Variants in SLC39A12 observed in about 807,000 individuals in gnomAD.
SLC39A12 encodes zinc transporter ZIP12.
In SLC39A12, 63 loss-of-function variants were observed where a neutral mutation model predicts 71.1. That is an observed-to-expected ratio of 0.89 (90% CI 0.72 to 1.09). The LOEUF (loss-of-function observed/expected upper bound fraction) is 1.09. SLC39A12 is among the 50% of genes least tolerant of loss of function. The probability of loss-of-function intolerance (pLI) is 0.00; values close to 1 mark genes in which losing one functional copy is unlikely to be tolerated. For missense variants in SLC39A12, 892 were observed against 812.6 expected (o/e 1.10, Z -1.19); for synonymous variants, 351 against 301.3 (o/e 1.16, Z -1.71).
At chr10:17,973,172 C>G (rs548920465) in intron 4 of SLC39A12, among the ~76,000 whole-genome samples, 1 of 152,124 alleles carries the variant, frequency 6.6e-6, no homozygotes, top group Admixed American at 6.5e-5. Flanking sequence ...TTTGTTGTTT[C>G]TATTTATATC....
At chr10:17,967,621 C>T (rs181203180) in intron 4 of SLC39A12, among the ~76,000 whole-genome samples, 12 of 151,978 alleles carry the variant, frequency 7.9e-5, no homozygotes, top group East Asian at 1.9e-4. Flanking sequence ...CGGTGGCTCA[C>T]GCCTGTAATC....
In SLC39A12 at chr10:17,987,510, T is replaced by C; in HGVS notation, c.1128T>C (p.Leu376=). The C allele has an allele frequency of 6.2e-7, 1 of 1,614,122 alleles. No homozygotes were observed. Among genetic ancestry groups the C allele is most frequent in the South Asian group, 1.1e-5 (1 of 91,066 alleles). The change falls in exon 7 of 13, where the codon CTT becomes CTC. Residue 376 remains leucine (L), a synonymous_variant. Transcript: ENST00000377369. The part of the protein sequence containing the change: ...KYGYSTVAVT[L]LTLGSMLGTA... ...GCTACAGCACGGTGGCTGTCACCCTTCTCACACTGGGCTCCATGCTGGGGA... is the reference window on the plus strand; with the variant it reads ...GCTACAGCACGGTGGCTGTCACCCTCCTCACACTGGGCTCCATGCTGGGGA...
chr10:17,970,345 G>A (rs878915484), intron 4 of SLC39A12, among the ~76,000 whole-genome samples: 1 of 151,820 alleles, frequency 6.6e-6, no homozygotes, highest in Non-Finnish European at 1.5e-5. Context: ...ATTGTCATAG[G>A]GATTGCAATG....
chr10:17,993,892 T>C (rs573558019), intron 9 of SLC39A12, among the ~76,000 whole-genome samples: 1 of 152,312 alleles, frequency 6.6e-6, no homozygotes, highest in South Asian at 2.1e-4. Flanking sequence ...ATGAAAGTAA[T>C]ATATAATTGC....
intron 10 of SLC39A12, among the ~76,000 whole-genome samples, chr10:17,996,012 A>G (rs1835673665): frequency 1.3e-5 from 2 of 152,326 alleles, no homozygotes; most frequent in Non-Finnish European, 2.9e-5. Flanking sequence ...TGTGTTTATC[A>G]TAGCTCATTT....
At chr10:17,996,137 T>C (rs1835677648) in intron 10 of SLC39A12, among the ~76,000 whole-genome samples, 1 of 152,220 alleles carries the variant, frequency 6.6e-6, no homozygotes, top group African/African-American at 2.4e-5. Context: ...ATGCGTCTTA[T>C]TTATCATACT....
intron 4 of SLC39A12, among the ~76,000 whole-genome samples, chr10:17,967,632 C>T (rs1027352635): frequency 2.6e-4 from 40 of 151,822 alleles, no homozygotes; most frequent in Admixed American, 1.4e-3. Flanking sequence ...GCCTGTAATC[C>T]CAGCACTTTG....
intron 12 of SLC39A12, among the ~76,000 whole-genome samples, chr10:18,036,786 A>ATTTTTTT (rs1407183255): frequency 6.3e-4 from 6 of 9,456 alleles, no homozygotes; most frequent in African/African-American, 1.8e-3. Flanking sequence ...ATATATATAT[A>ATTTTTTT]TATATATATT....
chr10:17,971,966 A>G (rs1834986137), intron 4 of SLC39A12, among the ~76,000 whole-genome samples: 1 of 152,158 alleles, frequency 6.6e-6, no homozygotes, highest in South Asian at 2.1e-4. Flanking sequence ...GTAGGCACTT[A>G]TAGCTATAAA....
chr10:17,999,660 G>A (rs888311768), intron 10 of SLC39A12, among the ~76,000 whole-genome samples: 1 of 152,206 alleles, frequency 6.6e-6, no homozygotes, highest in East Asian at 1.9e-4. Context: ...TTATGCAATC[G>A]AATTCCATGA....
chr10:18,028,787 T>G (rs1292661436), intron 12 of SLC39A12, among the ~76,000 whole-genome samples: 1 of 152,180 alleles, frequency 6.6e-6, no homozygotes, highest in Admixed American at 6.5e-5. Context: ...TGGTGTGATC[T>G]TGGCTCACTG....
chr10:17,989,250 G>A (rs932030447), intron 7 of SLC39A12, among the ~76,000 whole-genome samples: 37 of 152,284 alleles, frequency 2.4e-4, no homozygotes, highest in African/African-American at 8.2e-4. Context: ...TTTCCTGCAG[G>A]GTCACTCTTG....
At chr10:18,035,699 G>C (rs529750511) in intron 12 of SLC39A12, among the ~76,000 whole-genome samples, 1 of 152,242 alleles carries the variant, frequency 6.6e-6, no homozygotes, top group South Asian at 2.1e-4. Flanking sequence ...GAGGAACTGC[G>C]TTCCGCTGGA....
Position 17,969,261 on chromosome 10 carries a change from G to C in SLC39A12, c.751+3571G>C, listed in dbSNP as rs145898460. Reference sequence around the variant, plus strand: ...GTGCTGTGACAAAAATGAGAGTGCAGATATCTCTTCAATATACTAAGTTCG... The same window carrying C: ...GTGCTGTGACAAAAATGAGAGTGCACATATCTCTTCAATATACTAAGTTCG... On this transcript the variant is annotated intron_variant, in intron 4 of 12. Transcript: ENST00000377369. Among the ~76,000 whole-genome samples the C allele has an allele frequency of 2.4e-4, 36 of 152,296 alleles. No individual in the cohort carries two copies. The East Asian group carries it at 6.6e-3, about 28-fold the overall frequency.
At chr10:18,037,267 T>C (rs1837078937) in intron 12 of SLC39A12, among the ~76,000 whole-genome samples, 1 of 152,242 alleles carries the variant, frequency 6.6e-6, no homozygotes, top group South Asian at 2.1e-4. Context: ...TCATGTATTT[T>C]ATCAAATTTT....
intron 12 of SLC39A12, among the ~76,000 whole-genome samples, chr10:18,039,443 T>G (rs73607902): frequency 0.015 from 2,263 of 152,276 alleles, 65 homozygotes; most frequent in African/African-American, 0.052. Context: ...TCAAAGTGAT[T>G]GGGGCTGAGT....
At chr10:18,030,641 T>G (rs1836818683) in intron 12 of SLC39A12, among the ~76,000 whole-genome samples, 4 of 151,074 alleles carry the variant, frequency 2.6e-5, no homozygotes, top group Non-Finnish European at 5.9e-5. Flanking sequence ...TATTTATTTA[T>G]TTATTTATTT....
At chr10:17,967,719 TA>T (rs1271716218) in intron 4 of SLC39A12, among the ~76,000 whole-genome samples, 12 of 150,612 alleles carry the variant, frequency 8.0e-5, no homozygotes, top group Non-Finnish European at 1.2e-4. Flanking sequence ...CAGTCTCTAC[TA>T]AAAAATACAA....
At chr10:18,036,780 A>ATTTTT (rs1564665960) in intron 12 of SLC39A12, among the ~76,000 whole-genome samples, 3 of 7,052 alleles carry the variant, frequency 4.3e-4, no homozygotes, top group African/African-American at 1.8e-3. Flanking sequence ...ATATATATAT[A>ATTTTT]TATATATATA....
Sources: gnomAD v4.1 joint callset for allele counts (sites outside exome capture counted in the v4.1 genomes callset) on GRCh38, gnomAD v4.1.1 for gene constraint, MANE v1.5 for transcripts, NCBI Gene and HGNC (gene_info 2026-07-23, HGNC 2026-07-21) for gene names.